The following SDK1 variants were observed in gnomAD, a reference collection of about 807,000 sequenced individuals.
The protein encoded by SDK1 is protein sidekick-1.
A neutral mutation model predicts 245.5 loss-of-function variants in SDK1; 157 were observed. That is an observed-to-expected ratio of 0.64 (90% CI 0.56 to 0.73). The LOEUF (loss-of-function observed/expected upper bound fraction) is 0.73. Ranked by LOEUF, SDK1 falls within the 30% of genes least tolerant of loss-of-function variation. SDK1 has a pLI of 0.00. For synonymous variants in SDK1, 1,647 were observed against 1,278.5 expected (o/e 1.29, Z -6.15); for missense variants, 3,583 against 3,002.3 (o/e 1.19, Z -4.52).
chr7:3,863,683 C>T (rs1414081620), intron 5 of SDK1, among the ~76,000 whole-genome samples: 1 of 152,202 alleles, frequency 6.6e-6, no homozygotes, highest in Non-Finnish European at 1.5e-5. Flanking sequence ...CAGAATGATA[C>T]AGTATGAGTC....
chr7:3,401,815 C>T (rs1313844578), intron 1 of SDK1, among the ~76,000 whole-genome samples: 1 of 151,932 alleles, frequency 6.6e-6, no homozygotes, highest in Non-Finnish European at 1.5e-5. Flanking sequence ...GAATCTTGGC[C>T]AAAATGAGCA....
chr7:3,633,879 G>C (rs1389088164), intron 2 of SDK1, among the ~76,000 whole-genome samples: 2 of 152,002 alleles, frequency 1.3e-5, no homozygotes, highest in Non-Finnish European at 2.9e-5. Flanking sequence ...GTCCTCTGAG[G>C]GTCCTGCTGC....
At chr7:3,625,670 A>C (rs1782094236) in intron 2 of SDK1, among the ~76,000 whole-genome samples, 1 of 152,226 alleles carries the variant, frequency 6.6e-6, no homozygotes, top group Non-Finnish European at 1.5e-5. Context: ...GAAATTATTT[A>C]TCAGCTCCTG....
At chr7:3,602,483 C>T (rs144650713) in intron 1 of SDK1, among the ~76,000 whole-genome samples, 35 of 152,064 alleles carry the variant, frequency 2.3e-4, no homozygotes, top group African/African-American at 6.5e-4. Context: ...TCTTTTGAGA[C>T]GTGTCTGTTC....
chr7:3,601,800 T>C (rs1781261774), intron 1 of SDK1, among the ~76,000 whole-genome samples: 1 of 150,990 alleles, frequency 6.6e-6, no homozygotes, highest in Non-Finnish European at 1.5e-5. Context: ...TAGCATTAGG[T>C]ATATCTCCTA....
chr7:3,713,063 C>T (rs1785095144), intron 4 of SDK1, among the ~76,000 whole-genome samples: 1 of 152,178 alleles, frequency 6.6e-6, no homozygotes, highest in Non-Finnish European at 1.5e-5. Flanking sequence ...TGGCAGGGTG[C>T]CAGGAGGCAG....
chr7:3,560,742 C>G (rs1184238351), intron 1 of SDK1, among the ~76,000 whole-genome samples: 1 of 152,100 alleles, frequency 6.6e-6, no homozygotes, highest in Non-Finnish European at 1.5e-5. Context: ...CTGGCAGAGC[C>G]CTCTCTGTAT....
chr7:4,257,682 G>C (rs6973319), intron 44 of SDK1, among the ~76,000 whole-genome samples: 1 of 151,950 alleles, frequency 6.6e-6, no homozygotes, highest in South Asian at 2.1e-4. Context: ...TTGGAGCCTC[G>C]TGTCTCTGCT....
At chr7:3,791,555 C>T (rs1003916130) in intron 4 of SDK1, among the ~76,000 whole-genome samples, 4 of 152,120 alleles carry the variant, frequency 2.6e-5, no homozygotes, top group Admixed American at 6.5e-5. Flanking sequence ...GTGGTTGCTG[C>T]CTGGCCTTCA....
intron 1 of SDK1, among the ~76,000 whole-genome samples, chr7:3,472,708 T>A (rs374274476): frequency 1.1e-4 from 17 of 152,312 alleles, no homozygotes; most frequent in Admixed American, 4.6e-4. Flanking sequence ...ATTTAGAACT[T>A]TAACCTAGAT....
intron 4 of SDK1, among the ~76,000 whole-genome samples, chr7:3,757,166 C>T (rs28753192): frequency 6.6e-6 from 1 of 152,104 alleles, no homozygotes; most frequent in Admixed American, 6.5e-5. Flanking sequence ...ACTTCAGATC[C>T]CAGGTGTCCT....
intron 1 of SDK1, among the ~76,000 whole-genome samples, chr7:3,530,864 T>A (rs1280521476): frequency 7.9e-5 from 12 of 152,332 alleles, no homozygotes; most frequent in Non-Finnish European, 5.9e-5. Flanking sequence ...CTTATTTCCC[T>A]ATGCATAAAA....
At chr7:3,501,064 T>C (rs1022590667) in intron 1 of SDK1, among the ~76,000 whole-genome samples, 1 of 152,206 alleles carries the variant, frequency 6.6e-6, no homozygotes. Flanking sequence ...AGGCTTTTCT[T>C]AGATGACTGT....
intron 4 of SDK1, among the ~76,000 whole-genome samples, chr7:3,689,013 C>T (rs116474175): frequency 1.4e-4 from 21 of 152,308 alleles, no homozygotes; most frequent in East Asian, 7.7e-4. Flanking sequence ...GCTATACTTG[C>T]GTTCCTGTAA....
chr7:3,900,578 G>C (rs1781753262), intron 5 of SDK1, among the ~76,000 whole-genome samples: 1 of 152,220 alleles, frequency 6.6e-6, no homozygotes, highest in African/African-American at 2.4e-5. Flanking sequence ...GCTGGAAATA[G>C]CTTTATTTAC....
intron 1 of SDK1, among the ~76,000 whole-genome samples, chr7:3,562,116 C>T (rs1415185780): frequency 1.3e-5 from 2 of 152,192 alleles, no homozygotes; most frequent in Non-Finnish European, 2.9e-5. Flanking sequence ...GCCTCAGAGC[C>T]AGTGTTCACC....
At chr7:3,313,644 C>T (rs886815390) in intron 1 of SDK1, among the ~76,000 whole-genome samples, 6 of 152,066 alleles carry the variant, frequency 3.9e-5, no homozygotes, top group East Asian at 3.9e-4. Context: ...TGCAGATTAA[C>T]GGATTAGCGA....
At chr7:3,781,360 T>A (rs1780730889) in intron 4 of SDK1, among the ~76,000 whole-genome samples, 1 of 152,082 alleles carries the variant, frequency 6.6e-6, no homozygotes, top group Admixed American at 6.5e-5. Context: ...TGAACTCTCA[T>A]GAAGCTCTGC....
intron 32 of SDK1, among the ~76,000 whole-genome samples, chr7:4,162,724 G>A (rs1410616984): frequency 6.6e-6 from 1 of 152,110 alleles, no homozygotes; most frequent in African/African-American, 2.4e-5. Context: ...AATCTCCAAT[G>A]TGCAGTGAGT....
Sources: allele counts gnomAD v4.1 joint callset (sites outside exome capture counted in the v4.1 genomes callset), GRCh38; gene constraint gnomAD v4.1.1; transcripts MANE v1.5; gene names NCBI Gene and HGNC (gene_info 2026-07-23, HGNC 2026-07-21).